The following SPINK8 variants were observed in gnomAD, a reference collection of about 807,000 sequenced individuals.
SPINK8 encodes the protein serine protease inhibitor Kazal-type 8.
In SPINK8, 12 loss-of-function variants were observed where a neutral mutation model predicts 14.4. That is an observed-to-expected ratio of 0.83 (90% CI 0.53 to 1.35). The LOEUF (loss-of-function observed/expected upper bound fraction) is 1.35. SPINK8 is among the 40% of genes most tolerant of loss of function. SPINK8 has a pLI of 0.00. For missense variants in SPINK8, 103 were observed against 117.0 expected (o/e 0.88, Z 0.55); for synonymous variants, 32 against 37.6 (o/e 0.85, Z 0.55).
Position 48,312,962 on chromosome 3 carries a change from C to T in SPINK8, c.240-3016G>A, listed in dbSNP as rs374758338. On this transcript the variant is annotated intron_variant, in intron 6 of 7. Coordinates refer to ENST00000434006, the MANE Select transcript of SPINK8 (RefSeq NM_001080525.3). ...GCAGTGAGCTGAAATCATGCCACTG[C>T]ACTCCAGCCTGGGAACAGAGTCAGA... 7.5e-5 allele frequency among the ~76,000 whole-genome samples: 11 copies of T among 146,092 alleles called. No individual in the cohort carries two copies. In the East Asian group the frequency reaches 2.0e-3, roughly 27 times the overall value.
intron 6 of SPINK8, among the ~76,000 whole-genome samples, chr3:48,313,375 T>C (rs1464878449): frequency 3.9e-5 from 6 of 152,188 alleles, no homozygotes; most frequent in African/African-American, 1.4e-4. Flanking sequence ...CATAAGAAGA[T>C]GTCCAACCTC....
At chr3:48,318,026 C>T (rs2036017547) in intron 6 of SPINK8, among the ~76,000 whole-genome samples, 1 of 152,138 alleles carries the variant, frequency 6.6e-6, no homozygotes, top group Admixed American at 6.5e-5. Flanking sequence ...AGGCTTGAGC[C>T]ACCCCTCCAG....
intron 4 of SPINK8, among the ~76,000 whole-genome samples, chr3:48,325,976 A>T (rs1048592803): frequency 6.8e-6 from 1 of 146,428 alleles, no homozygotes; most frequent in Non-Finnish European, 1.5e-5. Flanking sequence ...TCAGGGCCCC[A>T]CTACTCTCAG....
rs2036174632 is a variant in SPINK8, at chr3:48,328,336, C to T, written c.6G>A (p.Lys2=). 6.2e-7 allele frequency: 1 copy of T among 1,610,488 alleles called. No homozygotes were observed. The highest frequency in any genetic ancestry group is 1.3e-5 in the African/African-American group (1 of 74,886). ...CAAGGATGGCGTCTGAGCAGATCCC[C>T]TTCATGGTGACAGAAGAACTGTGGA... The part of the protein sequence containing the change: M[K]GICSDAILVL... Residue 2 remains lysine, a synonymous_variant, in exon 4 of 8, where the codon AAG becomes AAA. Transcript: ENST00000434006.
At chr3:48,317,411 C>A (rs1378953904) in intron 6 of SPINK8, among the ~76,000 whole-genome samples, 1 of 152,060 alleles carries the variant, frequency 6.6e-6, no homozygotes, top group Non-Finnish European at 1.5e-5. Context: ...TCACTTGAAC[C>A]CAGGAGGCAG....
intron 6 of SPINK8, among the ~76,000 whole-genome samples, chr3:48,315,566 C>CA (rs1432243321): frequency 6.6e-6 from 1 of 151,454 alleles, no homozygotes; most frequent in African/African-American, 2.4e-5. Context: ...ACTAAAACTA[C>CA]AAAAATTAGT....
At chr3:48,320,248 G>C (rs1430537001) in intron 5 of SPINK8, among the ~76,000 whole-genome samples, 1 of 151,646 alleles carries the variant, frequency 6.6e-6, no homozygotes, top group Non-Finnish European at 1.5e-5. Flanking sequence ...TGTCTTTCCA[G>C]GTTAAAATTT....
chr3:48,332,893 A>G (rs1197248623), intron 1 of SPINK8, among the ~76,000 whole-genome samples: 3 of 152,118 alleles, frequency 2.0e-5, no homozygotes, highest in East Asian at 3.9e-4. Context: ...GGAAAAAGGT[A>G]CACACACTCT....
chr3:48,321,148 G>A, intron 4 of SPINK8, 74 bp from the exon 5 acceptor site: 1 of 1,456,818 alleles, frequency 6.9e-7, no homozygotes, highest in Non-Finnish European at 9.3e-7. Flanking sequence ...AAGATGAGGG[G>A]AACCCTAGTT....
intron 6 of SPINK8, among the ~76,000 whole-genome samples, chr3:48,314,501 A>G (rs976882337): frequency 4.6e-5 from 7 of 152,102 alleles, no homozygotes; most frequent in Non-Finnish European, 1.0e-4. Context: ...ACCCACAATC[A>G]TAGTGAAAAC....
Position 48,313,648 on chromosome 3 carries a change from A to G in SPINK8, c.240-3702T>C, listed in dbSNP as rs141335172. Among the ~76,000 whole-genome samples, 440 of 152,342 alleles carry G rather than the reference A, an allele frequency of 2.9e-3. 2 individuals are homozygous for G. The highest frequency in any genetic ancestry group is 4.7e-3 in the Non-Finnish European group (318 of 68,026). On this transcript the variant is annotated intron_variant, in intron 6 of 7. Coordinates refer to ENST00000434006, the MANE Select transcript of SPINK8 (RefSeq NM_001080525.3). ...CAGAAGGCTGAAAACAGGTACTCAA[A>G]TAAATACTTGTACACAAATGTCTAT...
rs76668705 is a variant in SPINK8, at chr3:48,321,092, A to G, written c.68-18T>C. The G allele has an allele frequency of 2.2e-3, 3,434 of 1,568,190 alleles. 67 individuals carry two copies. The African/African-American group carries it at 0.04, about 18-fold the overall frequency. Reference sequence around the variant, plus strand: ...GGGGAAGTCTGGAAGACAAAAGCACATACAGAAAAGTTGCTTCTCTGTCTT... The same window carrying G: ...GGGGAAGTCTGGAAGACAAAAGCACGTACAGAAAAGTTGCTTCTCTGTCTT... On this transcript the variant is annotated intron_variant, in intron 4 of 7. Transcript: ENST00000434006.
chr3:48,319,869 C>T (rs1331931032), intron 5 of SPINK8, among the ~76,000 whole-genome samples: 1 of 152,106 alleles, frequency 6.6e-6, no homozygotes, highest in Non-Finnish European at 1.5e-5. Flanking sequence ...ACCGGCCGGG[C>T]GCGGTGGCTC....
In SPINK8 at chr3:48,329,705, C is replaced by T. The variant is rs373266224; in HGVS notation, c.-135-431G>A. Among the ~76,000 whole-genome samples, 11 of 152,144 alleles carry T rather than the reference C, an allele frequency of 7.2e-5. No homozygotes were observed. In the East Asian group the frequency reaches 1.9e-3, roughly 27 times the overall value. On this transcript the variant is annotated intron_variant, in intron 2 of 7. Transcript: ENST00000434006. ...AGAGACAAGGTCTTTCTCTGTTGCC[C>T]AGGCTGAAGTACAGTGGCATAATCA...
Position 48,317,325 on chromosome 3 carries a change from C to A in SPINK8, c.239+2172G>T, listed in dbSNP as rs189184815. 6.2e-3 allele frequency among the ~76,000 whole-genome samples: 935 copies of A among 151,852 alleles called. 11 individuals carry two copies. The South Asian group carries it at 0.062, about 10-fold the overall frequency. Reference sequence around the variant, plus strand: ...CCAACATGGTGAAACCCCATCTCTACAAAAATACAAAAATTAGCTAGGTGT... The same window carrying A: ...CCAACATGGTGAAACCCCATCTCTAAAAAAATACAAAAATTAGCTAGGTGT... On this transcript the variant is annotated intron_variant, in intron 6 of 7. Transcript: ENST00000434006.
At chr3:48,308,167 G>A (rs1467564224) in intron 7 of SPINK8, among the ~76,000 whole-genome samples, 10 of 151,104 alleles carry the variant, frequency 6.6e-5, no homozygotes, top group Admixed American at 6.6e-4. Flanking sequence ...AGTAGAGATG[G>A]GTTTCACCGT....
chr3:48,307,552 TC>T (rs2035867307), intron 7 of SPINK8, among the ~76,000 whole-genome samples: 1 of 83,828 alleles, frequency 1.2e-5, no homozygotes, highest in Admixed American at 1.3e-4. Flanking sequence ...CCCCCCCACC[TC>T]TTCTGGAATT....
In SPINK8 at chr3:48,323,000, T is replaced by C. The variant is rs1294660557; in HGVS notation, c.68-1926A>G. 5.3e-5 allele frequency among the ~76,000 whole-genome samples: 8 copies of C among 152,342 alleles called. No homozygotes were observed. In the East Asian group the frequency reaches 1.2e-3, roughly 22 times the overall value. On this transcript the variant is annotated intron_variant, in intron 4 of 7. Transcript: ENST00000434006. The stretch of plus-strand genomic sequence containing the variant: ...CCTTTTAAGGACTTGCCAGGCTATT[T>C]TCCAAAGCAGCTGCATTTTACATTC...
chr3:48,319,330 T>C (rs533161133), intron 6 of SPINK8, among the ~76,000 whole-genome samples, 167 bp downstream of exon 6: 13 of 152,314 alleles, frequency 8.5e-5, no homozygotes, highest in African/African-American at 2.9e-4. Context: ...CATGTACCTT[T>C]TGAGGTCACA....
Sources: gnomAD v4.1 joint callset for allele counts (sites outside exome capture counted in the v4.1 genomes callset) on GRCh38, gnomAD v4.1.1 for gene constraint, MANE v1.5 for transcripts, NCBI Gene and HGNC (gene_info 2026-07-23, HGNC 2026-07-21) for gene names.